The following ITFG1 variants were observed in gnomAD, a reference collection of about 807,000 sequenced individuals.
The protein encoded by ITFG1 is T-cell immunomodulatory protein.
In ITFG1, 34 loss-of-function variants were observed where a neutral mutation model predicts 81.8. The ratio of observed to expected loss-of-function variants is 0.42; its 90% confidence interval spans 0.32 to 0.55. The LOEUF (loss-of-function observed/expected upper bound fraction) is 0.55. ITFG1 is among the 20% of genes least tolerant of loss of function. ITFG1 has a pLI of 0.17. For synonymous variants in ITFG1, 285 were observed against 270.6 expected (o/e 1.05, Z -0.52); for missense variants, 672 against 755.4 (o/e 0.89, Z 1.29).
intron 13 of ITFG1, among the ~76,000 whole-genome samples, chr16:47,234,621 C>T (rs953138844): frequency 3.3e-5 from 5 of 151,614 alleles, no homozygotes; most frequent in African/African-American, 9.7e-5. Flanking sequence ...ATTCGAACCG[C>T]AAAAAATCAA....
intron 14 of ITFG1, among the ~76,000 whole-genome samples, chr16:47,198,370 G>A (rs1380098441): frequency 6.6e-6 from 1 of 152,156 alleles, no homozygotes; most frequent in Non-Finnish European, 1.5e-5. Context: ...TAGCTGTCAT[G>A]ATGTCATAGT....
intron 14 of ITFG1, among the ~76,000 whole-genome samples, chr16:47,177,814 A>G (rs1965049760): frequency 6.6e-6 from 1 of 152,220 alleles, no homozygotes. Context: ...GAAATGTATT[A>G]CTGCAGTGAT....
intron 5 of ITFG1, among the ~76,000 whole-genome samples, chr16:47,436,473 G>T (rs187391920): frequency 2.0e-5 from 3 of 152,034 alleles, no homozygotes; most frequent in East Asian, 3.9e-4. Context: ...TATTGGAAAC[G>T]CATTTTTAAG....
At chr16:47,333,931 T>C (rs1967668860) in intron 8 of ITFG1, among the ~76,000 whole-genome samples, 1 of 152,206 alleles carries the variant, frequency 6.6e-6, no homozygotes, top group African/African-American at 2.4e-5. Context: ...CATGACTTCA[T>C]TTTATATGAA....
At chr16:47,209,170 T>C (rs1203014513) in intron 14 of ITFG1, among the ~76,000 whole-genome samples, 2 of 152,224 alleles carry the variant, frequency 1.3e-5, no homozygotes, top group African/African-American at 2.4e-5. Flanking sequence ...ATTTCTTTTA[T>C]AGATTTGAAA....
Position 47,199,204 on chromosome 16 carries a change from T to C in ITFG1, c.1453+19664A>G, listed in dbSNP as rs1252364964. Among the ~76,000 whole-genome samples, 3 of 151,944 alleles carry C rather than the reference T, an allele frequency of 2.0e-5. No individual in the cohort carries two copies. In the East Asian group the frequency reaches 5.8e-4, roughly 29 times the overall value. On this transcript the variant is annotated intron_variant, in intron 14 of 17. Coordinates refer to ENST00000320640, the MANE Select transcript of ITFG1 (RefSeq NM_030790.5). ...ATTGCTTGAACCTGGGAGGCAGAGG[T>C]TGCAGTGAGCCGAGATCACGCCACT...
chr16:47,186,361 AT>A (rs1965215836), intron 14 of ITFG1, among the ~76,000 whole-genome samples: 2 of 152,230 alleles, frequency 1.3e-5, no homozygotes, highest in African/African-American at 2.4e-5. Flanking sequence ...AAAATCCTCA[AT>A]AAAATACTGG....
intron 10 of ITFG1, 76 bp from the exon 11 acceptor site, chr16:47,260,771 T>G: frequency 6.9e-7 from 1 of 1,447,042 alleles, no homozygotes; most frequent in South Asian, 1.2e-5. Flanking sequence ...ATTTCCTAGA[T>G]TAAAAGGAGA....
chr16:47,424,183 T>G (rs572741307), intron 6 of ITFG1, among the ~76,000 whole-genome samples: 1 of 152,366 alleles, frequency 6.6e-6, no homozygotes, highest in South Asian at 2.1e-4. Context: ...TAATTTGATC[T>G]TCAATCACTG....
intron 14 of ITFG1, among the ~76,000 whole-genome samples, chr16:47,215,510 C>T (rs1383784528): frequency 6.6e-6 from 1 of 152,066 alleles, no homozygotes; most frequent in Non-Finnish European, 1.5e-5. Context: ...AAGAGATAAT[C>T]ATAGTAACAT....
intron 13 of ITFG1, among the ~76,000 whole-genome samples, chr16:47,225,899 T>C (rs2151529797): frequency 6.6e-6 from 1 of 152,002 alleles, no homozygotes; most frequent in Admixed American, 6.5e-5. Flanking sequence ...GAAGACGAAG[T>C]TGGAAAAAAA....
intron 15 of ITFG1, 61 bp from the exon 16 acceptor site, chr16:47,161,893 C>A: frequency 1.0e-6 from 1 of 970,784 alleles, no homozygotes; most frequent in Non-Finnish European, 1.6e-6. Context: ...AATTATTATT[C>A]TAAATAAATA....
In ITFG1 at chr16:47,453,980, G is replaced by T. The variant is rs187186688; in HGVS notation, c.427+33C>A. ...TGTTACATTTACCTTCATATTCAAT[G>T]ATAAATATTAAAAATTTTTAAAACA... On this transcript the variant is annotated intron_variant, in intron 3 of 17. Transcript: ENST00000320640. 5.1e-6 allele frequency: 7 copies of T among 1,365,298 alleles called. No individual in the cohort carries two copies. In the Admixed American group the frequency reaches 6.4e-5, roughly 12 times the overall value. 84.6% of individuals were successfully genotyped at this position (1,365,298 alleles called of 1,614,324 possible). A position where few individuals can be genotyped will look rare whatever the true frequency, so the allele number is the denominator to read the frequency against.
chr16:47,280,976 C>G (rs575467074), intron 10 of ITFG1, among the ~76,000 whole-genome samples: 1 of 152,264 alleles, frequency 6.6e-6, no homozygotes, highest in African/African-American at 2.4e-5. Flanking sequence ...CTTCATTTTG[C>G]TGTTCACTTG....
At chr16:47,180,351 T>A (rs1266877104) in intron 14 of ITFG1, among the ~76,000 whole-genome samples, 1 of 151,872 alleles carries the variant, frequency 6.6e-6, no homozygotes, top group Admixed American at 6.6e-5. Context: ...ATGGTATTAT[T>A]GCCCTCTCCC....
intron 8 of ITFG1, among the ~76,000 whole-genome samples, chr16:47,346,188 C>A (rs1014512152): frequency 3.9e-5 from 6 of 152,098 alleles, no homozygotes. Context: ...TGGTAGGCTG[C>A]AAAACAAGTC....
At chr16:47,366,763 TA>T (rs1260634514) in intron 7 of ITFG1, among the ~76,000 whole-genome samples, 2 of 152,198 alleles carry the variant, frequency 1.3e-5, no homozygotes, top group Non-Finnish European at 2.9e-5. Flanking sequence ...CTGTATACTT[TA>T]AAATGAGTTT....
At chr16:47,336,210 C>A (rs566267192) in intron 8 of ITFG1, among the ~76,000 whole-genome samples, 1 of 152,188 alleles carries the variant, frequency 6.6e-6, no homozygotes, top group Non-Finnish European at 1.5e-5. Flanking sequence ...GGATCTCTCA[C>A]AGACACCCAG....
chr16:47,297,748 A>C (rs956776939), intron 10 of ITFG1, among the ~76,000 whole-genome samples: 1 of 151,906 alleles, frequency 6.6e-6, no homozygotes, highest in African/African-American at 2.4e-5. Context: ...TCTTATAGGC[A>C]ACTAGACATC....
Sources: gnomAD v4.1 joint callset for allele counts (sites outside exome capture counted in the v4.1 genomes callset) on GRCh38, gnomAD v4.1.1 for gene constraint, MANE v1.5 for transcripts, NCBI Gene and HGNC (gene_info 2026-07-23, HGNC 2026-07-21) for gene names.